The following TNFSF4 variants were observed in gnomAD, a reference collection of about 807,000 sequenced individuals.
TNFSF4 encodes TNF superfamily member 4.
Under a neutral mutation model 7.3 loss-of-function variants are expected in TNFSF4, and 4 were observed. The observed-to-expected ratio is 0.55, with a 90% CI of 0.27 to 1.25. The LOEUF (loss-of-function observed/expected upper bound fraction) is 1.25. Among genes scored for constraint, TNFSF4 ranks in the 50% most tolerant of loss-of-function variants. The pLI is 0.12. For missense variants in TNFSF4, 181 were observed against 208.8 expected (o/e 0.87, Z 0.82); for synonymous variants, 76 against 83.7 (o/e 0.91, Z 0.50).
At chr1:173,360,749 C>T in the TNFSF4 span, among the ~76,000 whole-genome samples, 124 of 152,176 alleles carry the variant, frequency 8.1e-4, 1 homozygote, top group East Asian at 0.016. Flanking sequence ...ACTCACTGTG[C>T]GGGCAAGGAA....
At chr1:173,396,783 T>C in the TNFSF4 span, among the ~76,000 whole-genome samples, 1 of 152,182 alleles carries the variant, frequency 6.6e-6, no homozygotes, top group Non-Finnish European at 1.5e-5. Context: ...AGCGGATTTG[T>C]CATTTAAGGC....
chr1:173,386,465 G>T, the TNFSF4 span, among the ~76,000 whole-genome samples: 3 of 152,224 alleles, frequency 2.0e-5, no homozygotes, highest in African/African-American at 7.2e-5. Context: ...GCAATGTCCA[G>T]TAGAGTTGTG....
the TNFSF4 span, among the ~76,000 whole-genome samples, chr1:173,228,570 C>G: frequency 2.6e-5 from 4 of 152,184 alleles, no homozygotes; most frequent in African/African-American, 9.7e-5. Context: ...TGGAACAAAG[C>G]TGGACGGAGA....
intron 1 of TNFSF4, among the ~76,000 whole-genome samples, chr1:173,195,723 C>T (rs1049277034): frequency 2.0e-5 from 3 of 152,194 alleles, no homozygotes; most frequent in Non-Finnish European, 2.9e-5. Context: ...AAATGATACT[C>T]ACCAAGCATG....
chr1:173,311,365 A>G, the TNFSF4 span, among the ~76,000 whole-genome samples: 3 of 152,112 alleles, frequency 2.0e-5, no homozygotes, highest in Non-Finnish European at 2.9e-5. Flanking sequence ...ATAAGTTAAG[A>G]GAATGCTAAA....
the TNFSF4 span, among the ~76,000 whole-genome samples, chr1:173,276,434 T>C: frequency 6.6e-6 from 1 of 152,098 alleles, no homozygotes; most frequent in South Asian, 2.1e-4. Flanking sequence ...TCAAACACTA[T>C]GATGGCAGGT....
the TNFSF4 span, among the ~76,000 whole-genome samples, chr1:173,404,525 A>G: frequency 3.3e-3 from 506 of 152,260 alleles, 4 homozygotes; most frequent in African/African-American, 9.4e-3. Context: ...AACTGTAATT[A>G]TTCATCTGCC....
the TNFSF4 span, among the ~76,000 whole-genome samples, chr1:173,432,988 C>T: frequency 1.3e-5 from 2 of 152,022 alleles, no homozygotes; most frequent in Non-Finnish European, 2.9e-5. Context: ...TATGTATGTA[C>T]ATATACACAT....
chr1:173,304,013 G>A, the TNFSF4 span, among the ~76,000 whole-genome samples: 2 of 151,744 alleles, frequency 1.3e-5, no homozygotes, highest in Admixed American at 6.6e-5. Context: ...TTATTCTCCT[G>A]TCCAGTTTTA....
At chr1:173,325,881 A>G in the TNFSF4 span, among the ~76,000 whole-genome samples, 3,789 of 152,298 alleles carry the variant, frequency 0.025, 142 homozygotes, top group African/African-American at 0.086. Context: ...TTAACAGCTT[A>G]CCAACCAAAA....
the TNFSF4 span, chr1:173,351,790 T>C: frequency 6.7e-6 from 4 of 599,476 alleles, no homozygotes; most frequent in Non-Finnish European, 1.2e-5. Flanking sequence ...GTAGTCCAGG[T>C]TTACAGGAAG....
the TNFSF4 span, among the ~76,000 whole-genome samples, chr1:173,299,258 C>T: frequency 6.6e-6 from 1 of 151,898 alleles, no homozygotes; most frequent in Non-Finnish European, 1.5e-5. Context: ...CAGCTCTCAA[C>T]TGCATCATTC....
the TNFSF4 span, among the ~76,000 whole-genome samples, chr1:173,344,239 C>T: frequency 2.2e-4 from 34 of 152,300 alleles, 1 homozygote; most frequent in Admixed American, 1.1e-3. Context: ...AACATTGCAG[C>T]GCACTATTGT....
the TNFSF4 span, among the ~76,000 whole-genome samples, chr1:173,432,681 ACT>A: frequency 6.6e-6 from 1 of 152,256 alleles, no homozygotes; most frequent in East Asian, 1.9e-4. Context: ...TTATGGCAAC[ACT>A]GACAAAATTC....
At chr1:173,193,140 T>C (rs190652000) in intron 1 of TNFSF4, among the ~76,000 whole-genome samples, 11 of 152,046 alleles carry the variant, frequency 7.2e-5, no homozygotes, top group African/African-American at 1.2e-4. Flanking sequence ...ATGAGAAAGG[T>C]TGACAGAAAA....
At chr1:173,369,591 T>C in the TNFSF4 span, among the ~76,000 whole-genome samples, 4 of 152,078 alleles carry the variant, frequency 2.6e-5, no homozygotes, top group East Asian at 1.9e-4. Context: ...TTCTTTCAGA[T>C]GGGAAACACT....
the TNFSF4 span, chr1:173,363,655 G>A: frequency 2.8e-6 from 1 of 361,662 alleles, no homozygotes; most frequent in Non-Finnish European, 5.4e-6. Context: ...TGGAGATGAA[G>A]AATGCTGAAC....
At chr1:173,394,963 CAGACAGAT>C in the TNFSF4 span, among the ~76,000 whole-genome samples, 1 of 150,076 alleles carries the variant, frequency 6.7e-6, no homozygotes, top group African/African-American at 2.5e-5. Context: ...GACAGACAGA[CAGACAGAT>C]AGATAATAGA....
chr1:173,411,689 C>A, the TNFSF4 span, among the ~76,000 whole-genome samples: 2 of 152,140 alleles, frequency 1.3e-5, no homozygotes, highest in African/African-American at 4.8e-5. Context: ...GTAATCCCAG[C>A]TACTCAGGAG....
Sources: gnomAD v4.1 joint callset for allele counts (sites outside exome capture counted in the v4.1 genomes callset) on GRCh38, gnomAD v4.1.1 for gene constraint, MANE v1.5 for transcripts, NCBI Gene and HGNC (gene_info 2026-07-23, HGNC 2026-07-21) for gene names.